Variants in SH3GL2 observed in about 807,000 individuals in gnomAD.
SH3GL2 encodes SH3 domain containing GRB2 like 2, endophilin A1, also known as endophilin-A1.
In SH3GL2, 24 loss-of-function variants were observed where a neutral mutation model predicts 46.0. That is an observed-to-expected ratio of 0.52 (90% confidence interval 0.38 to 0.73). SH3GL2 has a LOEUF of 0.73. Ranked by LOEUF, SH3GL2 falls within the 30% of genes least tolerant of loss-of-function variation. The probability of loss-of-function intolerance (pLI) is 0.00; values close to 1 mark genes in which losing one functional copy is unlikely to be tolerated. For synonymous variants in SH3GL2, 196 were observed against 147.1 expected (o/e 1.33, Z -2.40); for missense variants, 413 against 424.2 (o/e 0.97, Z 0.23).
chr9:17,582,400 G>A (rs1001855274), intron 1 of SH3GL2, among the ~76,000 whole-genome samples: 11 of 152,104 alleles, frequency 7.2e-5, no homozygotes, highest in African/African-American at 2.7e-4. Context: ...ATGATCTTGT[G>A]TTGCTCTTTT....
At chr9:17,673,558 C>G (rs765069919) in intron 1 of SH3GL2, among the ~76,000 whole-genome samples, 1 of 152,112 alleles carries the variant, frequency 6.6e-6, no homozygotes, top group Non-Finnish European at 1.5e-5. Context: ...CATTGTTCCC[C>G]TTTAAACACT....
chr9:17,715,284 C>T (rs1253431394), intron 1 of SH3GL2, among the ~76,000 whole-genome samples: 1 of 150,348 alleles, frequency 6.7e-6, no homozygotes, highest in Non-Finnish European at 1.5e-5. Flanking sequence ...AATATGATTT[C>T]CTTTGATGTA....
intron 4 of SH3GL2, among the ~76,000 whole-genome samples, 186 bp downstream of exon 4, chr9:17,786,710 C>T (rs1357025609): frequency 1.3e-5 from 2 of 152,096 alleles, no homozygotes; most frequent in Non-Finnish European, 2.9e-5. Context: ...ATTTATCTTA[C>T]AAGTTTTCTT....
At chr9:17,665,001 AG>A (rs1485541918) in intron 1 of SH3GL2, among the ~76,000 whole-genome samples, 3 of 152,138 alleles carry the variant, frequency 2.0e-5, no homozygotes, top group Non-Finnish European at 4.4e-5. Context: ...CTTACATAAA[AG>A]TTCCACAGGT....
intron 1 of SH3GL2, among the ~76,000 whole-genome samples, chr9:17,631,846 C>G (rs1819433328): frequency 6.6e-6 from 1 of 152,196 alleles, no homozygotes; most frequent in African/African-American, 2.4e-5. Flanking sequence ...TAACTTCAGG[C>G]CTGCTCCTTG....
At chr9:17,657,397 C>T (rs1244017056) in intron 1 of SH3GL2, among the ~76,000 whole-genome samples, 1 of 152,194 alleles carries the variant, frequency 6.6e-6, no homozygotes, top group East Asian at 1.9e-4. Flanking sequence ...ACCCTTCCCT[C>T]AACACCATGT....
intron 1 of SH3GL2, among the ~76,000 whole-genome samples, chr9:17,679,575 C>T (rs1400917958): frequency 6.6e-6 from 1 of 152,162 alleles, no homozygotes; most frequent in African/African-American, 2.4e-5. Flanking sequence ...CATCTGCAAA[C>T]AGGGACAATT....
chr9:17,759,778 C>G (rs1307517055), intron 2 of SH3GL2, among the ~76,000 whole-genome samples: 1 of 152,138 alleles, frequency 6.6e-6, no homozygotes, highest in African/African-American at 2.4e-5. Flanking sequence ...TCCTATGGCA[C>G]TCTTTTTTAG....
intron 3 of SH3GL2, among the ~76,000 whole-genome samples, chr9:17,773,363 T>TCATATCCAGGAATTCATTGC (rs1823547295): frequency 6.6e-6 from 1 of 152,166 alleles, no homozygotes; most frequent in Admixed American, 6.5e-5. Context: ...GCCTTTGGTA[T>TCATATCCAGGAATTCATTGC]CATATCCAGG....
chr9:17,642,422 C>T (rs1819707829), intron 1 of SH3GL2, among the ~76,000 whole-genome samples: 1 of 151,984 alleles, frequency 6.6e-6, no homozygotes, highest in African/African-American at 2.4e-5. Context: ...GTCATGAAGG[C>T]TGCCCATGCC....
intron 1 of SH3GL2, among the ~76,000 whole-genome samples, chr9:17,633,911 A>C (rs972530510): frequency 2.6e-5 from 4 of 152,134 alleles, no homozygotes; most frequent in Admixed American, 2.6e-4. Flanking sequence ...GTGTGCCTTC[A>C]GTGTCCTTTG....
chr9:17,769,557 G>A (rs1333958183), intron 3 of SH3GL2, among the ~76,000 whole-genome samples: 5 of 151,982 alleles, frequency 3.3e-5, no homozygotes, highest in African/African-American at 1.2e-4. Context: ...CTTCTGCCTG[G>A]AACACTCTTC....
chr9:17,685,031 A>G (rs902214039), intron 1 of SH3GL2, among the ~76,000 whole-genome samples: 2 of 152,100 alleles, frequency 1.3e-5, no homozygotes, highest in African/African-American at 4.8e-5. Flanking sequence ...TAATCCTAAT[A>G]CATGGTATAG....
chr9:17,763,149 G>T (rs1440802549), intron 3 of SH3GL2, among the ~76,000 whole-genome samples: 1 of 152,138 alleles, frequency 6.6e-6, no homozygotes, highest in African/African-American at 2.4e-5. Context: ...AGTAAAAACA[G>T]TTGAAGAATT....
chr9:17,643,349 C>T (rs897886578), intron 1 of SH3GL2, among the ~76,000 whole-genome samples: 5 of 152,158 alleles, frequency 3.3e-5, no homozygotes, highest in Admixed American at 6.5e-5. Context: ...AGTTTGAGTT[C>T]TTCTCTTCCT....
At chr9:17,738,474 A>G (rs1822406778) in intron 1 of SH3GL2, among the ~76,000 whole-genome samples, 1 of 150,568 alleles carries the variant, frequency 6.6e-6, no homozygotes, top group Non-Finnish European at 1.5e-5. Flanking sequence ...ATACATACAT[A>G]CTTATGTATA....
At chr9:17,628,945 C>T (rs183256435) in intron 1 of SH3GL2, among the ~76,000 whole-genome samples, 32 of 152,000 alleles carry the variant, frequency 2.1e-4, no homozygotes, top group Admixed American at 7.2e-4. Flanking sequence ...TTATAAAGAT[C>T]CATGTTTTAG....
At chr9:17,654,803 A>G (rs1320258448) in intron 1 of SH3GL2, among the ~76,000 whole-genome samples, 1 of 152,208 alleles carries the variant, frequency 6.6e-6, no homozygotes, top group Non-Finnish European at 1.5e-5. Flanking sequence ...CAAAGGTGCT[A>G]TAGGATCAAA....
At chr9:17,616,173 C>G (rs1017802887) in intron 1 of SH3GL2, among the ~76,000 whole-genome samples, 4 of 152,106 alleles carry the variant, frequency 2.6e-5, no homozygotes, top group African/African-American at 9.7e-5. Context: ...GAGTATCACA[C>G]AGTAGATGAA....
Sources: allele counts gnomAD v4.1 joint callset (sites outside exome capture counted in the v4.1 genomes callset), GRCh38; gene constraint gnomAD v4.1.1; transcripts MANE v1.5; gene names NCBI Gene and HGNC (gene_info 2026-07-23, HGNC 2026-07-21).